The following RXFP3 variants were observed in gnomAD, a reference collection of about 807,000 sequenced individuals.
The protein encoded by RXFP3 is relaxin family peptide receptor 3.
RXFP3 carries 31 observed loss-of-function variants against 27.3 expected under a neutral mutation model. The ratio of observed to expected loss-of-function variants is 1.13; its 90% confidence interval spans 0.85 to 1.53. RXFP3 has a LOEUF of 1.53. Ranked by LOEUF, RXFP3 falls within the 40% of genes most tolerant of loss-of-function variation. The pLI is 0.00. For missense variants in RXFP3, 684 were observed against 642.1 expected (o/e 1.07, Z -0.70); for synonymous variants, 351 against 293.6 (o/e 1.20, Z -2.00).
At position 33,938,280 on chromosome 5, in the gene RXFP3, C is replaced by A; in HGVS notation, c.*130C>A. ...GTAGGTGGGAGGAGGATGGGCAGAG[C>A]ATGGAGGAGGAGCCTGTGGATAGGC... On this transcript the variant is annotated 3_prime_UTR_variant, in exon 1 of 1. Transcript: ENST00000330120. 1.3e-6 allele frequency: 1 copy of A among 771,824 alleles called. No homozygotes were observed. The allele number at this position is 771,824 out of a possible 1,614,324, so 47.8% of individuals were successfully genotyped here. A position where few individuals can be genotyped will look rare whatever the true frequency, so the allele number is the denominator to read the frequency against.
chr5:33,937,241 C>T lies in RXFP3; in HGVS notation c.501C>T (p.Tyr167=), dbSNP rs753169654. 2 of 1,614,094 alleles carry T rather than the reference C, an allele frequency of 1.2e-6. No homozygotes were observed. The highest frequency in any genetic ancestry group is 2.2e-5 in the East Asian group (1 of 44,878). ...IVSMVTSMNM[Y]ASVFFLTAMS... ...CCATGGTGACGTCCATGAACATGTA[C>T]GCCAGCGTGTTCTTCCTCACTGCCA... Residue 167 remains tyrosine (Y), a synonymous_variant, in exon 1 of 1, where the codon TAC becomes TAT. Transcript: ENST00000330120.
chr5:33,938,389 CCAGA>C lies in RXFP3; in HGVS notation c.*243_*246del, dbSNP rs1407646041. ...AAGGGATAGAGACGAGCCCCACGGG[CCAGA>C]CAGCCAACCTCCGCTCCGCACCCCA... On this transcript the variant is annotated 3_prime_UTR_variant, in exon 1 of 1. Coordinates refer to ENST00000330120, the MANE Select transcript of RXFP3 (RefSeq NM_016568.3). Among the ~76,000 whole-genome samples the C allele has an allele frequency of 1.3e-5, 2 of 152,194 alleles. No individual in the cohort carries two copies. The highest frequency in any genetic ancestry group is 2.9e-5 in the Non-Finnish European group (2 of 68,030).
Position 33,938,113 on chromosome 5 carries a change from G to A in RXFP3, c.1373G>A (p.Gly458Glu). The change falls in exon 1 of 1, where the codon GGG becomes GAG. Residue 458 changes from glycine to glutamate, a missense_variant. By Grantham distance (98) the Gly-to-Glu change is moderately conservative. Transcript: ENST00000330120. ...CCTGGCGTCGTGGTCTACAGCGGGG[G>A]GCGCTACGACCTGCTGCCCAGCAGC... ...YPPGVVVYSG[G>E]RYDLLPSSSA... 6.2e-7 allele frequency: 1 copy of A among 1,607,950 alleles called. No homozygotes were observed. Among genetic ancestry groups the A allele is most frequent in the Non-Finnish European group, 8.5e-7 (1 of 1,177,454 alleles).
At position 33,938,016 on chromosome 5, in the gene RXFP3, C is replaced by T. The variant is rs759363046; in HGVS notation, c.1276C>T (p.His426Tyr). ...RPFTATTKPEHEDQGLQAPAP... is the reference protein window; with the variant it reads ...RPFTATTKPEYEDQGLQAPAP... ...CTTCACCGCCACTACCAAGCCGGAG[C>T]ACGAGGATCAGGGGCTGCAGGCCCC... The change falls in exon 1 of 1, where the codon CAC (histidine) becomes TAC (tyrosine). Residue 426 changes from histidine (H) to tyrosine (Y), a missense_variant. His to Tyr is a moderately conservative substitution (Grantham distance 83, BLOSUM62 2). Transcript: ENST00000330120. 1.2e-6 allele frequency: 2 copies of T among 1,612,880 alleles called. No individual in the cohort carries two copies. The highest frequency in any genetic ancestry group is 8.5e-7 in the Non-Finnish European group (1 of 1,179,946).
Position 33,937,315 on chromosome 5 carries a change from G to C in RXFP3, c.575G>C (p.Arg192Pro). The part of the protein sequence containing the change: ...HSVASALKSH[R>P]TRGHGRGDCC... ...GTGGCCTCGGCTCTGAAGAGCCACCGGACCCGAGGACACGGCCGGGGCGAC... is the reference window on the plus strand; with the variant it reads ...GTGGCCTCGGCTCTGAAGAGCCACCCGACCCGAGGACACGGCCGGGGCGAC... The change falls in exon 1 of 1, where the codon CGG becomes CCG. Residue 192 changes from arginine (R) to proline (P), a missense_variant. Arg to Pro is a moderately radical substitution (Grantham distance 103). Transcript: ENST00000330120. The C allele has an allele frequency of 6.2e-7, 1 of 1,612,868 alleles. No homozygotes were observed. Among genetic ancestry groups the C allele is most frequent in the Non-Finnish European group, 8.5e-7 (1 of 1,180,000 alleles).
In RXFP3 at chr5:33,938,481, G is replaced by A. The variant is rs1751728902; in HGVS notation, c.*331G>A. Among the ~76,000 whole-genome samples the A allele has an allele frequency of 6.6e-6, 1 of 152,338 alleles. No individual in the cohort carries two copies. Among genetic ancestry groups the A allele is most frequent in the South Asian group, 2.1e-4 (1 of 4,834 alleles). ...GGGCGCCCAGAAGCGAAGACAAGCA[G>A]CAAAAATGTAGAGAAATTGGCACGG... On this transcript the variant is annotated 3_prime_UTR_variant, in exon 1 of 1. Transcript: ENST00000330120.
Position 33,938,234 on chromosome 5 carries a change from G to T in RXFP3, c.*84G>T, listed in dbSNP as rs1579526037. On this transcript the variant is annotated 3_prime_UTR_variant, in exon 1 of 1. Coordinates refer to ENST00000330120, the MANE Select transcript of RXFP3 (RefSeq NM_016568.3). ...AGAGGTGAAAGGATGAAGGAGGGCT[G>T]GGGGGGGCCCCATTTAAGAAGTAGG... 7 of 1,023,926 alleles carry T rather than the reference G, an allele frequency of 6.8e-6. No homozygotes were observed. Among genetic ancestry groups the T allele is most frequent in the Non-Finnish European group, 8.9e-6 (7 of 785,708 alleles). The allele number at this position is 1,023,926 out of a possible 1,614,324, so 63.4% of individuals were successfully genotyped here.
rs765447933 is a variant in RXFP3 at position 33,937,418 on chromosome 5, G to A, written c.678G>A (p.Ala226=). 6.8e-6 allele frequency: 11 copies of A among 1,611,382 alleles called. No homozygotes were observed. Among genetic ancestry groups the A allele is most frequent in the Non-Finnish European group, 8.5e-6 (10 of 1,179,188 alleles). ...ALCVWIWALA[A]LASLPSAIFS... ...GTGTGTGGATCTGGGCTTTGGCCGC[G>A]CTGGCCTCGCTGCCCAGTGCCATTT... The change falls in exon 1 of 1, where the codon GCG becomes GCA. Residue 226 remains alanine (A), a synonymous_variant. Coordinates refer to ENST00000330120, the MANE Select transcript of RXFP3 (RefSeq NM_016568.3).
chr5:33,938,266 G>A lies in RXFP3; in HGVS notation c.*116G>A, dbSNP rs952369238. ...GCCCCATTTAAGAAGTAGGTGGGAG[G>A]AGGATGGGCAGAGCATGGAGGAGGA... is the stretch of plus-strand genomic sequence containing the variant. On this transcript the variant is annotated 3_prime_UTR_variant, in exon 1 of 1. Coordinates refer to ENST00000330120, the MANE Select transcript of RXFP3 (RefSeq NM_016568.3). 3.4e-6 allele frequency: 3 copies of A among 877,572 alleles called. No homozygotes were observed. Among genetic ancestry groups the A allele is most frequent in the East Asian group, 2.6e-5 (1 of 37,812 alleles). The allele number at this position is 877,572 out of a possible 1,614,324, so 54.4% of individuals were successfully genotyped here.
At position 33,936,999 on chromosome 5, in the gene RXFP3, G is replaced by C. The variant is rs769933125; in HGVS notation, c.259G>C (p.Val87Leu). 2 of 1,613,722 alleles carry C rather than the reference G, an allele frequency of 1.2e-6. No homozygotes were observed. The highest frequency in any genetic ancestry group is 1.7e-6 in the Non-Finnish European group (2 of 1,179,962). ...EARVRILISVVYWVVCALGLA... is the reference protein window; with the variant it reads ...EARVRILISVLYWVVCALGLA... ...CCGGGTGCGGATTCTCATCAGCGTG[G>C]TGTACTGGGTGGTGTGCGCCCTGGG... is the stretch of plus-strand genomic sequence containing the variant. The change falls in exon 1 of 1, where the codon GTG becomes CTG. Residue 87 changes from valine to leucine, a missense_variant. By Grantham distance (32) the Val-to-Leu change is conservative. Transcript: ENST00000330120.
At position 33,938,148 on chromosome 5, in the gene RXFP3, T is replaced by G. The variant is rs1349213936; in HGVS notation, c.1408T>G (p.Ter470GlyextTer22). 6.3e-7 allele frequency: 1 copy of G among 1,593,148 alleles called. No homozygotes were observed. The highest frequency in any genetic ancestry group is 1.3e-5 in the African/African-American group (1 of 74,260). The change falls in exon 1 of 1, where the codon TGA becomes GGA. Residue 470 changes from the stop codon to glycine, a stop_lost. Transcript: ENST00000330120. ...YDLLPSSSAY[*>G] ...CCTGCTGCCCAGCAGCTCTGCCTAC[T>G]GACGCAGGCCTCAGGCCCAGGGCGC...
chr5:33,938,112 G>A lies in RXFP3; in HGVS notation c.1372G>A (p.Gly458Arg), dbSNP rs1195379731. Residue 458 changes from glycine to arginine, a missense_variant, in exon 1 of 1, where the codon GGG (glycine) becomes AGG (arginine). Transcript: ENST00000330120. Reference sequence around the variant, plus strand: ...ACCTGGCGTCGTGGTCTACAGCGGGGGGCGCTACGACCTGCTGCCCAGCAG... The same window carrying A: ...ACCTGGCGTCGTGGTCTACAGCGGGAGGCGCTACGACCTGCTGCCCAGCAG... ...YPPGVVVYSG[G>R]RYDLLPSSSA... 6.8e-6 allele frequency: 11 copies of A among 1,607,930 alleles called. No homozygotes were observed. Among genetic ancestry groups the A allele is most frequent in the Non-Finnish European group, 9.3e-6 (11 of 1,177,466 alleles).
In RXFP3 at chr5:33,938,108, C is replaced by CG. The variant is rs756773263; in HGVS notation, c.1374dup (p.Arg459AlafsTer37). 3.1e-6 allele frequency: 5 copies of CG among 1,608,112 alleles called. No individual in the cohort carries two copies. The highest frequency in any genetic ancestry group is 4.2e-6 in the Non-Finnish European group (5 of 1,177,606). On this transcript the variant is annotated frameshift_variant, in exon 1 of 1. Transcript: ENST00000330120. LOFTEE classifies it high-confidence loss of function. ...ACCCACCTGGCGTCGTGGTCTACAGCGGGGGGCGCTACGACCTGCTGCCCA... is the reference window on the plus strand; with the variant it reads ...ACCCACCTGGCGTCGTGGTCTACAGCGGGGGGGCGCTACGACCTGCTGCCCA...
At position 33,937,601 on chromosome 5, in the gene RXFP3, C is replaced by T. The variant is rs778697216; in HGVS notation, c.861C>T (p.Tyr287=). 20 of 1,575,016 alleles carry T rather than the reference C, an allele frequency of 1.3e-5. No homozygotes were observed. Among genetic ancestry groups the T allele is most frequent in the Non-Finnish European group, 1.7e-5 (20 of 1,160,504 alleles). The change falls in exon 1 of 1, where the codon TAC becomes TAT. Residue 287 remains tyrosine (Y), a synonymous_variant. Transcript: ENST00000330120. The part of the protein sequence containing the change: ...VLPLGIIILC[Y]LLLVRFIADR... ...CGCTGGGCATCATTATCTTGTGCTA[C>T]CTGCTGCTGGTGCGCTTCATCGCCG...
In RXFP3 at chr5:33,936,692, T is replaced by A; in HGVS notation, c.-49T>A. 6.8e-7 allele frequency: 1 copy of A among 1,474,936 alleles called. No individual in the cohort carries two copies. The highest frequency in any genetic ancestry group is 9.0e-7 in the Non-Finnish European group (1 of 1,106,124). 91.4% of individuals were successfully genotyped at this position (1,474,936 alleles called of 1,614,324 possible). A position where few individuals can be genotyped will look rare whatever the true frequency, so the allele number is the denominator to read the frequency against. ...CTGGCAACAAAACTGGGGTAAACCG[T>A]GTTATCTTAGGTCTTGTCCCCCAGA... On this transcript the variant is annotated 5_prime_UTR_variant, in exon 1 of 1. Transcript: ENST00000330120.
Position 33,937,667 on chromosome 5 carries a change from C to T in RXFP3, c.927C>T (p.Ala309=). 1.2e-6 allele frequency: 2 copies of T among 1,608,494 alleles called. No individual in the cohort carries two copies. Among genetic ancestry groups the T allele is most frequent in the East Asian group, 2.2e-5 (1 of 44,622 alleles). Residue 309 remains alanine, a synonymous_variant, in exon 1 of 1, where the codon GCC becomes GCT. Coordinates refer to ENST00000330120, the MANE Select transcript of RXFP3 (RefSeq NM_016568.3). Reference sequence around the variant, plus strand: ...GGACCAAAGGAGGGGCCGCGGTAGCCGGAGGACGCCCGACCGGAGCCAGCG... The same window carrying T: ...GGACCAAAGGAGGGGCCGCGGTAGCTGGAGGACGCCCGACCGGAGCCAGCG... The part of the protein sequence containing the change: ...AAGTKGGAAV[A]GGRPTGASAR...
Position 33,938,184 on chromosome 5 carries a change from C to A in RXFP3, c.*34C>A. On this transcript the variant is annotated 3_prime_UTR_variant, in exon 1 of 1. Transcript: ENST00000330120. ...TCAGGCCCAGGGCGCGCCGTCGGGG[C>A]AAGGTGGCCTTCCCCGGGCGGTAAA... The A allele has an allele frequency of 6.5e-7, 1 of 1,529,332 alleles. No homozygotes were observed. Among genetic ancestry groups the A allele is most frequent in the South Asian group, 1.3e-5 (1 of 78,648 alleles). The allele number at this position is 1,529,332 out of a possible 1,614,324, so 94.7% of individuals were successfully genotyped here. A position where few individuals can be genotyped will look rare whatever the true frequency, so the allele number is the denominator to read the frequency against.
chr5:33,937,104 A>T lies in RXFP3; in HGVS notation c.364A>T (p.Thr122Ser), dbSNP rs1402416200. The change falls in exon 1 of 1, where the codon ACC becomes TCC. Residue 122 changes from threonine to serine, a missense_variant. Thr to Ser is a moderately conservative substitution (Grantham distance 58). Coordinates refer to ENST00000330120, the MANE Select transcript of RXFP3 (RefSeq NM_016568.3). ...CAAGTCCTCTATCAACCTCTTCGTC[A>T]CCAACCTGGCGCTGACGGACTTTCA... ...WRKSSINLFV[T>S]NLALTDFQFV... 1 of 1,613,530 alleles carries T rather than the reference A, an allele frequency of 6.2e-7. No homozygotes were observed.
rs1751734435 is a variant in RXFP3, at chr5:33,938,713, T to C, written c.*563T>C. Among the ~76,000 whole-genome samples the C allele has an allele frequency of 6.6e-6, 1 of 152,194 alleles. No homozygotes were observed. Among genetic ancestry groups the C allele is most frequent in the Non-Finnish European group, 1.5e-5 (1 of 68,030 alleles). The stretch of plus-strand genomic sequence containing the variant: ...CGCTTTTGGAGTTAAGAAAAAGAAC[T>C]GACCATCCTGGTCCGCCCACAGGAG... On this transcript the variant is annotated 3_prime_UTR_variant, in exon 1 of 1. Coordinates refer to ENST00000330120, the MANE Select transcript of RXFP3 (RefSeq NM_016568.3).
Sources: gnomAD v4.1 joint callset for allele counts (sites outside exome capture counted in the v4.1 genomes callset) on GRCh38, gnomAD v4.1.1 for gene constraint, MANE v1.5 for transcripts, NCBI Gene and HGNC (gene_info 2026-07-23, HGNC 2026-07-21) for gene names.